Variants in ARHGAP10 observed in about 807,000 individuals in gnomAD.
The protein encoded by ARHGAP10 is Rho GTPase activating protein 10.
A neutral mutation model predicts 108.6 loss-of-function variants in ARHGAP10; 87 were observed. That is an observed-to-expected ratio of 0.80 (90% confidence interval 0.67 to 0.96). ARHGAP10 has a LOEUF of 0.96. Among genes scored for constraint, ARHGAP10 ranks in the 40% least tolerant of loss-of-function variants. The pLI is 0.00. For synonymous variants in ARHGAP10, 347 were observed against 341.1 expected (o/e 1.02, Z -0.19); for missense variants, 939 against 954.5 (o/e 0.98, Z 0.21).
At chr4:148,010,164 G>T (rs778763270) in intron 18 of ARHGAP10, among the ~76,000 whole-genome samples, 1 of 152,126 alleles carries the variant, frequency 6.6e-6, no homozygotes, top group African/African-American at 2.4e-5. Flanking sequence ...AATGAAGTAG[G>T]TGAGGAATAT....
chr4:147,771,028 G>C (rs1405207907), intron 1 of ARHGAP10, among the ~76,000 whole-genome samples: 2 of 152,038 alleles, frequency 1.3e-5, no homozygotes, highest in Non-Finnish European at 2.9e-5. Flanking sequence ...CTGGATTAGG[G>C]CCCACCCTAA....
intron 7 of ARHGAP10, among the ~76,000 whole-genome samples, chr4:147,872,184 C>CCTCATG (rs936741245): frequency 6.6e-6 from 1 of 150,464 alleles, no homozygotes; most frequent in Non-Finnish European, 1.5e-5. Flanking sequence ...GAGAGGGGGA[C>CCTCATG]CTCATGGAGG....
intron 18 of ARHGAP10, among the ~76,000 whole-genome samples, chr4:148,010,010 A>G (rs1741108993): frequency 6.6e-6 from 1 of 152,216 alleles, no homozygotes; most frequent in Non-Finnish European, 1.5e-5. Flanking sequence ...TTGAAATTAA[A>G]TTTCCTATAG....
chr4:147,849,115 GGT>G (rs1733754004), intron 4 of ARHGAP10, among the ~76,000 whole-genome samples: 1 of 152,070 alleles, frequency 6.6e-6, no homozygotes, highest in Admixed American at 6.5e-5. Context: ...CCTTTTTCCT[GGT>G]AGTTTTGTGT....
At chr4:148,007,496 G>A (rs1425219081) in intron 18 of ARHGAP10, among the ~76,000 whole-genome samples, 1 of 152,182 alleles carries the variant, frequency 6.6e-6, no homozygotes, top group Non-Finnish European at 1.5e-5. Flanking sequence ...GCTTGATGAG[G>A]ATATCTTCTG....
At chr4:147,738,071 A>T (rs1384600814) in intron 1 of ARHGAP10, among the ~76,000 whole-genome samples, 1 of 151,212 alleles carries the variant, frequency 6.6e-6, no homozygotes, top group East Asian at 1.9e-4. Flanking sequence ...TTGGATAAAG[A>T]ATACAGAGAG....
chr4:147,951,289 A>T (rs1738589264), intron 15 of ARHGAP10, among the ~76,000 whole-genome samples: 1 of 151,582 alleles, frequency 6.6e-6, no homozygotes, highest in Non-Finnish European at 1.5e-5. Context: ...TCTCTGCTAG[A>T]TAACCATTTT....
intron 19 of ARHGAP10, among the ~76,000 whole-genome samples, chr4:148,034,649 A>G (rs1041609598): frequency 6.6e-6 from 1 of 152,108 alleles, no homozygotes; most frequent in African/African-American, 2.4e-5. Context: ...ATTAATAATG[A>G]ACTTTCCTTC....
At chr4:147,883,248 G>A (rs1176909870) in intron 10 of ARHGAP10, among the ~76,000 whole-genome samples, 4 of 152,184 alleles carry the variant, frequency 2.6e-5, no homozygotes, top group Admixed American at 6.5e-5. Flanking sequence ...TGAAAAAGAG[G>A]TTGGGTCTTG....
chr4:148,005,973 T>G (rs558463342), intron 18 of ARHGAP10, among the ~76,000 whole-genome samples: 1 of 152,260 alleles, frequency 6.6e-6, no homozygotes, highest in African/African-American at 2.4e-5. Flanking sequence ...AGCCACAAAT[T>G]TCTTTCACAC....
intron 1 of ARHGAP10, among the ~76,000 whole-genome samples, chr4:147,810,079 C>G (rs569887392): frequency 6.6e-6 from 1 of 152,276 alleles, no homozygotes; most frequent in East Asian, 1.9e-4. Flanking sequence ...CTTATAGCAG[C>G]TTATTTACAT....
At chr4:147,928,679 T>C (rs891138793) in intron 13 of ARHGAP10, among the ~76,000 whole-genome samples, 3 of 152,252 alleles carry the variant, frequency 2.0e-5, no homozygotes, top group African/African-American at 7.2e-5. Context: ...ATATTTTCCA[T>C]GAGTCATTCT....
At chr4:147,881,237 C>T (rs1735314886) in intron 9 of ARHGAP10, among the ~76,000 whole-genome samples, 1 of 151,606 alleles carries the variant, frequency 6.6e-6, no homozygotes, top group South Asian at 2.1e-4. Context: ...TGCACCACTG[C>T]ACTCCAGCCT....
At chr4:147,747,767 T>G (rs1004170092) in intron 1 of ARHGAP10, among the ~76,000 whole-genome samples, 2 of 151,942 alleles carry the variant, frequency 1.3e-5, no homozygotes, top group Non-Finnish European at 1.5e-5. Context: ...GTGAGAGGAA[T>G]CAGACTAAAA....
At chr4:147,791,312 AT>A (rs1731113946) in intron 1 of ARHGAP10, among the ~76,000 whole-genome samples, 1 of 151,564 alleles carries the variant, frequency 6.6e-6, no homozygotes. Context: ...GGGTTTTGCT[AT>A]GTTGGCCAGG....
intron 14 of ARHGAP10, chr4:147,946,385 C>T (rs2126970785): frequency 2.4e-6 from 1 of 424,198 alleles, no homozygotes; most frequent in Non-Finnish European, 4.1e-6. Context: ...TACTCCCAAC[C>T]CATCTCTTAT....
intron 3 of ARHGAP10, among the ~76,000 whole-genome samples, chr4:147,838,593 G>C (rs1733269124): frequency 6.6e-6 from 1 of 152,068 alleles, no homozygotes; most frequent in Admixed American, 6.5e-5. Context: ...GAGTGCAGTG[G>C]TGTAGTCACT....
intron 1 of ARHGAP10, among the ~76,000 whole-genome samples, chr4:147,759,573 A>T (rs1288334562): frequency 9.4e-6 from 1 of 105,864 alleles, no homozygotes; most frequent in East Asian, 2.9e-4. Context: ...TAGCATAGTG[A>T]TACACCGCCC....
intron 13 of ARHGAP10, among the ~76,000 whole-genome samples, chr4:147,920,997 G>A (rs1028008869): frequency 2.6e-5 from 4 of 152,230 alleles, no homozygotes; most frequent in Admixed American, 6.5e-5. Context: ...AAGGTGATAC[G>A]TAGCAAAGAA....
Sources: allele counts gnomAD v4.1 joint callset (sites outside exome capture counted in the v4.1 genomes callset), GRCh38; gene constraint gnomAD v4.1.1; transcripts MANE v1.5; gene names NCBI Gene and HGNC (gene_info 2026-07-23, HGNC 2026-07-21).